Variants in RNF144B observed in about 807,000 individuals in gnomAD.
RNF144B encodes the protein ring finger protein 144B.
A neutral mutation model predicts 40.2 loss-of-function variants in RNF144B; 25 were observed. The observed-to-expected ratio is 0.62, with a 90% confidence interval of 0.45 to 0.87. The LOEUF (loss-of-function observed/expected upper bound fraction) is 0.87. Among genes scored for constraint, RNF144B ranks in the 40% least tolerant of loss-of-function variants. RNF144B has a pLI of 0.00. For synonymous variants in RNF144B, 145 were observed against 136.3 expected (o/e 1.06, Z -0.44); for missense variants, 365 against 373.7 (o/e 0.98, Z 0.19).
At chr6:18,429,941 G>A (rs768110609) in intron 3 of RNF144B, among the ~76,000 whole-genome samples, 5 of 152,142 alleles carry the variant, frequency 3.3e-5, no homozygotes, top group East Asian at 1.9e-4. Context: ...AACTTATAAC[G>A]AGTCAGATAA....
intron 3 of RNF144B, among the ~76,000 whole-genome samples, chr6:18,436,696 A>G (rs1231961991): frequency 6.6e-6 from 1 of 152,186 alleles, no homozygotes; most frequent in Non-Finnish European, 1.5e-5. Context: ...CAGGTGTAGC[A>G]GTCAATTTTA....
chr6:18,437,363 C>T lies in RNF144B; in HGVS notation c.271-2321C>T, dbSNP rs369642906. ...CTGAGGAGGGAGGATTGCTTGAGCC[C>T]GGGAGTTTAAGGCTACCTGAGCTAT... On this transcript the variant is annotated intron_variant, in intron 3 of 7. Coordinates refer to ENST00000259939, the MANE Select transcript of RNF144B (RefSeq NM_182757.4). Among the ~76,000 whole-genome samples, 9 of 152,038 alleles carry T rather than the reference C, an allele frequency of 5.9e-5. No homozygotes were observed. In the East Asian group the frequency reaches 1.2e-3, roughly 20 times the overall value.
At chr6:18,439,868 G>A in intron 4 of RNF144B, 124 bp downstream of exon 4, 1 of 558,152 alleles carries the variant, frequency 1.8e-6, no homozygotes. Flanking sequence ...TACTCTAAAA[G>A]GAGAATACTG....
intron 3 of RNF144B, among the ~76,000 whole-genome samples, chr6:18,429,211 G>A (rs1043901684): frequency 6.6e-6 from 1 of 151,894 alleles, no homozygotes; most frequent in African/African-American, 2.4e-5. Flanking sequence ...AAAAAAATGG[G>A]AATGGGGGCA....
In RNF144B at chr6:18,465,855, A is replaced by G. The variant is rs942791543; in HGVS notation, c.*788A>G. On this transcript the variant is annotated 3_prime_UTR_variant, in exon 8 of 8. Transcript: ENST00000259939. ...GCTGTGGTCTACAGAATTGTTTCAT[A>G]TAAAATACGGGTAGAGTGGTAGAGT... 1.3e-5 allele frequency: 2 copies of G among 152,248 alleles called. No homozygotes were observed. The highest frequency in any genetic ancestry group is 2.9e-5 in the Non-Finnish European group (2 of 68,046). The allele number at this position is 152,248 out of a possible 1,614,324, so 9.4% of individuals were successfully genotyped here.
intron 1 of RNF144B, among the ~76,000 whole-genome samples, chr6:18,393,119 CAAAA>C (rs10711336): frequency 1.8e-5 from 2 of 111,412 alleles, no homozygotes; most frequent in African/African-American, 3.4e-5. Context: ...GACTCCATCT[CAAAA>C]AAAAAAAAAA....
intron 1 of RNF144B, among the ~76,000 whole-genome samples, chr6:18,397,423 T>C (rs548326972): frequency 6.6e-6 from 1 of 152,300 alleles, no homozygotes; most frequent in South Asian, 2.1e-4. Flanking sequence ...GGCCACTCTT[T>C]AAAAATAGTA....
At chr6:18,427,433 G>A (rs1442690121) in intron 2 of RNF144B, 148 bp from the exon 3 acceptor site, 1 of 546,764 alleles carries the variant, frequency 1.8e-6, no homozygotes, top group Non-Finnish European at 3.3e-6. Flanking sequence ...ATGGCTCTTA[G>A]TATTCACACT....
chr6:18,427,509 G>C, intron 2 of RNF144B, 72 bp from the exon 3 acceptor site: 1 of 960,368 alleles, frequency 1.0e-6, no homozygotes, highest in Non-Finnish European at 1.6e-6. Flanking sequence ...AAGACACAGT[G>C]GTGGTTCTGT....
chr6:18,423,271 G>A (rs571372244), intron 2 of RNF144B, among the ~76,000 whole-genome samples: 72 of 152,254 alleles, frequency 4.7e-4, no homozygotes, highest in Non-Finnish European at 6.3e-4. Context: ...GGCTCAAGAT[G>A]TAGAGGAGAC....
rs1759094256 is a variant in RNF144B at position 18,446,857 on chromosome 6, GTGTGTGTGTGTGTGTGTC to G, written c.331+7125_331+7142del. ...TATTTTAGGGTGTGTGTGTGTGTGT[GTGTGTGTGTGTGTGTGTC>G]TGTGTGTGTGTTGTGTGTTTGTTGG... On this transcript the variant is annotated intron_variant, in intron 4 of 7. Coordinates refer to ENST00000259939, the MANE Select transcript of RNF144B (RefSeq NM_182757.4). This position sits in a 1 kb window ranked among gnomAD's most constrained non-coding sequence, Gnocchi z 4.7. Among the ~76,000 whole-genome samples, 1 of 148,280 alleles carries G rather than the reference GTGTGTGTGTGTGTGTGTC, an allele frequency of 6.7e-6. No individual in the cohort carries two copies. Among genetic ancestry groups the G allele is most frequent in the Non-Finnish European group, 1.5e-5 (1 of 66,132 alleles).
At chr6:18,451,250 A>T (rs1475884668) in intron 4 of RNF144B, among the ~76,000 whole-genome samples, 4 of 152,008 alleles carry the variant, frequency 2.6e-5, no homozygotes, top group African/African-American at 7.3e-5. Flanking sequence ...TCTATTTTTC[A>T]TCTCCATGTG....
At position 18,450,390 on chromosome 6, in the gene RNF144B, C is replaced by T. The variant is rs540353580; in HGVS notation, c.332-6765C>T. The stretch of plus-strand genomic sequence containing the variant: ...TCAGCTTACTGCGATCTCCGCCTCC[C>T]GGGTTCAAGTGATTCTCCTGCCTCA... On this transcript the variant is annotated intron_variant, in intron 4 of 7. Coordinates refer to ENST00000259939, the MANE Select transcript of RNF144B (RefSeq NM_182757.4). This position sits in a 1 kb window ranked among gnomAD's most constrained non-coding sequence, Gnocchi z 4.7. Among the ~76,000 whole-genome samples the T allele has an allele frequency of 3.3e-5, 5 of 152,110 alleles. No individual in the cohort carries two copies. The East Asian group carries it at 7.7e-4, about 24-fold the overall frequency.
rs1281628462 is a variant in RNF144B, at chr6:18,443,237, AT to A, written c.331+3496del. Among the ~76,000 whole-genome samples the A allele has an allele frequency of 6.6e-6, 1 of 152,074 alleles. No individual in the cohort carries two copies. The highest frequency in any genetic ancestry group is 1.5e-5 in the Non-Finnish European group (1 of 68,020). ...GAAAAACGTAACAGGCCCAGAGGCA[AT>A]TTCCTCTTAAGTGATTTTGTTTTTG... On this transcript the variant is annotated intron_variant, in intron 4 of 7. Coordinates refer to ENST00000259939, the MANE Select transcript of RNF144B (RefSeq NM_182757.4). The surrounding 1 kb of genome is among the most constrained non-coding windows in gnomAD (Gnocchi z 4.7).
At chr6:18,436,388 A>G (rs1001674551) in intron 3 of RNF144B, among the ~76,000 whole-genome samples, 2 of 152,244 alleles carry the variant, frequency 1.3e-5, no homozygotes, top group Non-Finnish European at 2.9e-5. Context: ...AATTAGTGAG[A>G]TTTGAATAAG....
intron 2 of RNF144B, among the ~76,000 whole-genome samples, chr6:18,404,549 T>A (rs1427784915): frequency 6.6e-6 from 1 of 152,246 alleles, no homozygotes; most frequent in Non-Finnish European, 1.5e-5. Context: ...ACTAGCCTTT[T>A]ATAAAAAGGT....
chr6:18,396,900 G>C (rs12527317), intron 1 of RNF144B: 9 of 750,814 alleles, frequency 1.2e-5, no homozygotes, highest in Non-Finnish European at 1.5e-5. Flanking sequence ...TGAATTTGAC[G>C]TGCAGGTCTA....
intron 2 of RNF144B, among the ~76,000 whole-genome samples, chr6:18,420,572 C>T (rs190800852): frequency 2.0e-5 from 3 of 152,190 alleles, no homozygotes; most frequent in South Asian, 2.1e-4. Context: ...GTGTTACCTA[C>T]GGTCATCATA....
rs1459478619 is a variant in RNF144B, at chr6:18,460,540, G to A, written c.681+789G>A. Among the ~76,000 whole-genome samples, 4 of 151,890 alleles carry A rather than the reference G, an allele frequency of 2.6e-5. No individual in the cohort carries two copies. Among genetic ancestry groups the A allele is most frequent in the Non-Finnish European group, 4.4e-5 (3 of 67,988 alleles). On this transcript the variant is annotated intron_variant, in intron 6 of 7. Transcript: ENST00000259939. This position sits in a 1 kb window ranked among gnomAD's most constrained non-coding sequence, Gnocchi z 4.4. ...CCTACCACTATTAGATTTTTTCTTCGTTTTGAATTTAAAGAAAAATGGTTC... is the reference window on the plus strand; with the variant it reads ...CCTACCACTATTAGATTTTTTCTTCATTTTGAATTTAAAGAAAAATGGTTC...
Sources: allele counts gnomAD v4.1 joint callset (sites outside exome capture counted in the v4.1 genomes callset), GRCh38; gene constraint gnomAD v4.1.1; non-coding constraint Gnocchi (gnomAD v3.1); transcripts MANE v1.5; gene names NCBI Gene and HGNC (gene_info 2026-07-23, HGNC 2026-07-21).